The following ZC3H3 variants were observed in gnomAD, a reference collection of about 807,000 sequenced individuals.
ZC3H3 encodes zinc finger CCCH domain-containing protein 3.
A neutral mutation model predicts 77.3 loss-of-function variants in ZC3H3; 36 were observed. The observed-to-expected ratio is 0.47, with a 90% CI of 0.36 to 0.61. The LOEUF (loss-of-function observed/expected upper bound fraction) is 0.61, where lower values mean the gene tolerates loss of function less well. ZC3H3 is among the 20% of genes least tolerant of loss of function. The pLI, the probability that ZC3H3 is intolerant of heterozygous loss-of-function variation, is 0.00. For missense variants in ZC3H3, 1,331 were observed against 1,312.2 expected (o/e 1.01, Z -0.22); for synonymous variants, 626 against 555.2 (o/e 1.13, Z -1.79).
intron 9 of ZC3H3, among the ~76,000 whole-genome samples, chr8:143,459,419 C>T (rs1820200008): frequency 6.6e-6 from 1 of 152,156 alleles, no homozygotes; most frequent in Admixed American, 6.5e-5. Flanking sequence ...CCTGGCAGCG[C>T]GTGCCTGAAA....
intron 9 of ZC3H3, among the ~76,000 whole-genome samples, chr8:143,464,671 C>T (rs1352868232): frequency 6.6e-6 from 1 of 152,166 alleles, no homozygotes; most frequent in East Asian, 1.9e-4. Flanking sequence ...TCCTGGGGTG[C>T]CTGGTGTTCT....
At chr8:143,534,293 A>C (rs1327944537) in intron 3 of ZC3H3, among the ~76,000 whole-genome samples, 2 of 151,330 alleles carry the variant, frequency 1.3e-5, no homozygotes, top group Admixed American at 6.6e-5. Flanking sequence ...AAAAAAAAAA[A>C]AAACGACGAG....
At chr8:143,514,330 G>A (rs1190574927) in intron 3 of ZC3H3, among the ~76,000 whole-genome samples, 1 of 152,162 alleles carries the variant, frequency 6.6e-6, no homozygotes, top group African/African-American at 2.4e-5. Flanking sequence ...GCCACCGCAG[G>A]CCCCATCCTG....
rs765008437 is a variant in ZC3H3, at chr8:143,536,238, G to A, written c.1561+19C>T. 21 of 1,602,890 alleles carry A rather than the reference G, an allele frequency of 1.3e-5. No homozygotes were observed. The highest frequency in any genetic ancestry group is 9.0e-5 in the East Asian group (4 of 44,622). ...GGCAGGCCCAGCCCCAGTGCCCAGC[G>A]CCCCTGCTCCCAGCATACCTTCCTT... On this transcript the variant is annotated intron_variant, in intron 3 of 11. Transcript: ENST00000262577.
intron 3 of ZC3H3, among the ~76,000 whole-genome samples, chr8:143,509,192 C>T (rs918674395): frequency 1.3e-5 from 2 of 152,194 alleles, no homozygotes; most frequent in African/African-American, 2.4e-5. Flanking sequence ...CCCCAGAGTC[C>T]CCCAGAGTCC....
intron 5 of ZC3H3, among the ~76,000 whole-genome samples, chr8:143,471,003 C>T (rs1353888355): frequency 1.3e-5 from 2 of 152,156 alleles, no homozygotes; most frequent in Admixed American, 6.5e-5. Flanking sequence ...CTCTGGGCAC[C>T]GCTGGATGTC....
intron 4 of ZC3H3, among the ~76,000 whole-genome samples, chr8:143,491,319 C>T (rs868684086): frequency 1.3e-5 from 2 of 152,248 alleles, no homozygotes; most frequent in Non-Finnish European, 2.9e-5. Context: ...CCTGTCCCTG[C>T]GATGCCACTG....
rs945674760 is a variant in ZC3H3 at position 143,512,078 on chromosome 8, C to A, written c.1562-4179G>T. On this transcript the variant is annotated intron_variant, in intron 3 of 11. Transcript: ENST00000262577. ...ATGTTCCCGGGAGAAGTGACAGCAG[C>A]GAGCGGCCAGGATGGGCCAGACCCA... Among the ~76,000 whole-genome samples, 5 of 152,248 alleles carry A rather than the reference C, an allele frequency of 3.3e-5. No individual in the cohort carries two copies. In the South Asian group the frequency reaches 1.0e-3, roughly 32 times the overall value.
chr8:143,472,433 C>T (rs576729705), intron 5 of ZC3H3, among the ~76,000 whole-genome samples: 3 of 152,308 alleles, frequency 2.0e-5, no homozygotes, highest in East Asian at 1.9e-4. Flanking sequence ...CACTTGGCAC[C>T]GACGGGGAGA....
intron 4 of ZC3H3, among the ~76,000 whole-genome samples, chr8:143,483,194 C>T (rs1820954568): frequency 6.6e-6 from 1 of 152,266 alleles, no homozygotes; most frequent in Non-Finnish European, 1.5e-5. Flanking sequence ...GGCAGAGCTG[C>T]GCCATGACAG....
intron 9 of ZC3H3, among the ~76,000 whole-genome samples, chr8:143,446,750 GGCTC>G (rs1400429410): frequency 1.1e-4 from 17 of 152,280 alleles, no homozygotes; most frequent in Non-Finnish European, 2.4e-4. Flanking sequence ...GGCCTGGGTG[GGCTC>G]ATGTTTCCAG....
chr8:143,526,017 G>A (rs1822400350), intron 3 of ZC3H3, among the ~76,000 whole-genome samples: 1 of 152,336 alleles, frequency 6.6e-6, no homozygotes, highest in Non-Finnish European at 1.5e-5. Context: ...TGGTGCTGAC[G>A]ATGTGGGGGG....
chr8:143,493,471 C>T lies in ZC3H3; in HGVS notation c.1715+14275G>A, dbSNP rs905845107. On this transcript the variant is annotated intron_variant, in intron 4 of 11. Transcript: ENST00000262577. This position sits in a 1 kb window ranked among gnomAD's most constrained non-coding sequence, Gnocchi z 4.8. ...GAGGCTGCAGGAGGGGTCTGGCCCTCGGCCACACCTGGAGAAGGTGGAAGG... is the reference window on the plus strand; with the variant it reads ...GAGGCTGCAGGAGGGGTCTGGCCCTTGGCCACACCTGGAGAAGGTGGAAGG... 3.3e-5 allele frequency among the ~76,000 whole-genome samples: 5 copies of T among 152,308 alleles called. No individual in the cohort carries two copies. Among genetic ancestry groups the T allele is most frequent in the East Asian group, 3.9e-4 (2 of 5,184 alleles).
chr8:143,458,394 T>C (rs13278405), intron 9 of ZC3H3, among the ~76,000 whole-genome samples: 6,334 of 116,966 alleles, frequency 0.054, 91 homozygotes, highest in Middle Eastern at 0.076. Flanking sequence ...CGCCTATAAC[T>C]CCAGCATTTA....
Position 143,539,066 on chromosome 8 carries a change from C to A in ZC3H3, c.301G>T (p.Gly101Cys), listed in dbSNP as rs962986611. The A allele has an allele frequency of 1.9e-6, 3 of 1,612,948 alleles. No individual in the cohort carries two copies. The highest frequency in any genetic ancestry group is 2.2e-5 in the East Asian group (1 of 44,870). ...TGCTGCTGCGGGACAGGAGGCTGGC[C>A]CCCCCGGGCCCCGTGCAACGGCCGC... ...AVRPLHGARGGQPPVPQQHVL... is the reference protein window; with the variant it reads ...AVRPLHGARGCQPPVPQQHVL... Residue 101 changes from glycine (G) to cysteine (C), a missense_variant, in exon 2 of 12, where the codon GGC (glycine) becomes TGC (cysteine). Physicochemically the swap from Gly to Cys is radical, Grantham distance 159. Around this residue, in one of 3 missense-constraint regions of ZC3H3, gnomAD observed 978 missense variants for 915.5 expected, o/e 1.07. Transcript: ENST00000262577.
chr8:143,470,584 GTC>G (rs1235615377), intron 5 of ZC3H3, among the ~76,000 whole-genome samples: 1 of 152,220 alleles, frequency 6.6e-6, no homozygotes, highest in Non-Finnish European at 1.5e-5. Flanking sequence ...CTGGTTCCCA[GTC>G]TCTCGCCCAG....
chr8:143,478,614 G>A (rs567887184), intron 4 of ZC3H3, among the ~76,000 whole-genome samples: 27 of 152,302 alleles, frequency 1.8e-4, no homozygotes, highest in South Asian at 6.2e-4. Flanking sequence ...GGTTCAAGAG[G>A]TTCTCCTGCC....
At position 143,539,088 on chromosome 8, in the gene ZC3H3, C is replaced by G. The variant is rs564865999; in HGVS notation, c.279G>C (p.Arg93=). Residue 93 remains arginine (R), a synonymous_variant, in exon 2 of 12, where the codon CGG becomes CGC. Coordinates refer to ENST00000262577, the MANE Select transcript of ZC3H3 (RefSeq NM_015117.3). Reference sequence around the variant, plus strand: ...GGCCCCCCCGGGCCCCGTGCAACGGCCGCACAGCATGGTCGGCAGGAGGGT... The same window carrying G: ...GGCCCCCCCGGGCCCCGTGCAACGGGCGCACAGCATGGTCGGCAGGAGGGT... ...PSDPPADHAV[R]PLHGARGGQP... is the part of the protein sequence containing the mutation. 15 of 1,612,930 alleles carry G rather than the reference C, an allele frequency of 9.3e-6. No individual in the cohort carries two copies. In the African/African-American group the frequency reaches 1.7e-4, roughly 19 times the overall value.
intron 5 of ZC3H3, among the ~76,000 whole-genome samples, chr8:143,473,693 C>T (rs1006661512): frequency 2.0e-5 from 3 of 152,208 alleles, no homozygotes; most frequent in Non-Finnish European, 2.9e-5. Context: ...TGGGACCACC[C>T]GGCATGAGCA....
Sources: allele counts gnomAD v4.1 joint callset (sites outside exome capture counted in the v4.1 genomes callset), GRCh38; gene constraint gnomAD v4.1.1; regional missense constraint gnomAD v4.1.1; non-coding constraint Gnocchi (gnomAD v3.1); transcripts MANE v1.5; gene names NCBI Gene and HGNC (gene_info 2026-07-23, HGNC 2026-07-21).